The following XXYLT1 variants were observed in gnomAD, a reference collection of about 807,000 sequenced individuals.
XXYLT1 encodes the protein xyloside xylosyltransferase 1.
XXYLT1 carries 20 observed loss-of-function variants against 28.9 expected under a neutral mutation model. That is an observed-to-expected ratio of 0.69 (90% CI 0.49 to 1.00). The LOEUF is 1.00. Among genes scored for constraint, XXYLT1 ranks in the 50% least tolerant of loss-of-function variants. XXYLT1 has a pLI of 0.00. For missense variants in XXYLT1, 542 were observed against 560.1 expected (o/e 0.97, Z 0.33); for synonymous variants, 257 against 253.8 (o/e 1.01, Z -0.12).
intron 2 of XXYLT1, among the ~76,000 whole-genome samples, chr3:195,217,762 C>A (rs1344271028): frequency 6.6e-6 from 1 of 151,232 alleles, no homozygotes; most frequent in Non-Finnish European, 1.5e-5. Context: ...AGATTCAATG[C>A]CATCCCCATC....
chr3:195,243,597 G>A (rs1313489070), intron 1 of XXYLT1, among the ~76,000 whole-genome samples: 3 of 152,180 alleles, frequency 2.0e-5, no homozygotes, highest in Admixed American at 6.5e-5. Flanking sequence ...AGAGCCACAG[G>A]TCTATTGATC....
intron 2 of XXYLT1, among the ~76,000 whole-genome samples, chr3:195,159,243 A>C (rs1487567702): frequency 6.6e-6 from 1 of 152,192 alleles, no homozygotes; most frequent in East Asian, 1.9e-4. Flanking sequence ...AACGCAACAA[A>C]AAGAATGGCA....
chr3:195,079,534 A>T (rs761493789), intron 3 of XXYLT1, among the ~76,000 whole-genome samples: 2 of 152,214 alleles, frequency 1.3e-5, no homozygotes, highest in Non-Finnish European at 2.9e-5. Flanking sequence ...TGTATTCAGT[A>T]TAATGTTTGT....
chr3:195,137,646 T>C (rs1172032035), intron 3 of XXYLT1, among the ~76,000 whole-genome samples: 1 of 152,210 alleles, frequency 6.6e-6, no homozygotes. Context: ...AACCTCTCCG[T>C]GCTCTGTAAA....
chr3:195,258,307 G>A (rs1018104799), intron 1 of XXYLT1, among the ~76,000 whole-genome samples: 1 of 152,220 alleles, frequency 6.6e-6, no homozygotes, highest in Non-Finnish European at 1.5e-5. Flanking sequence ...GTGGATCCAT[G>A]AGCGTCTCCC....
intron 3 of XXYLT1, chr3:195,148,088 G>A (rs1052187569): frequency 7.2e-5 from 11 of 152,232 alleles, no homozygotes; most frequent in Non-Finnish European, 1.6e-4. Context: ...TAGCCTGCCC[G>A]GGAGGCAGAG....
chr3:195,244,820 T>C (rs148114507), intron 1 of XXYLT1, among the ~76,000 whole-genome samples: 47 of 137,870 alleles, frequency 3.4e-4, no homozygotes, highest in African/African-American at 1.2e-3. Flanking sequence ...CTTTAGATCA[T>C]TATGACAAAT....
At chr3:195,114,454 G>C (rs1717940249) in intron 3 of XXYLT1, among the ~76,000 whole-genome samples, 1 of 152,192 alleles carries the variant, frequency 6.6e-6, no homozygotes, top group African/African-American at 2.4e-5. Context: ...CACCTGCTCT[G>C]TGTACGGTCC....
chr3:195,254,070 C>T (rs567908855), intron 1 of XXYLT1, among the ~76,000 whole-genome samples: 1 of 152,308 alleles, frequency 6.6e-6, no homozygotes, highest in African/African-American at 2.4e-5. Context: ...TTCCCTCTCA[C>T]ATTTCCAGGC....
chr3:195,169,356 C>T (rs1721282798), intron 2 of XXYLT1, among the ~76,000 whole-genome samples: 1 of 152,204 alleles, frequency 6.6e-6, no homozygotes, highest in Non-Finnish European at 1.5e-5. Context: ...TTGGAAGGCA[C>T]TCGGCATCAC....
rs1411473102 is a variant in XXYLT1 at position 195,069,231 on chromosome 3, T to G, written c.*484A>C. On this transcript the variant is annotated 3_prime_UTR_variant, in exon 4 of 4. Coordinates refer to ENST00000310380, the MANE Select transcript of XXYLT1 (RefSeq NM_152531.5). Reference sequence around the variant, plus strand: ...GATGGGCTGGCATTCGTTTGGAAGCTTAGATACTGGGCTGGTCATTAAAAC... The same window carrying G: ...GATGGGCTGGCATTCGTTTGGAAGCGTAGATACTGGGCTGGTCATTAAAAC... 6.4e-6 allele frequency: 1 copy of G among 156,046 alleles called. No homozygotes were observed. The highest frequency in any genetic ancestry group is 1.4e-5 in the Non-Finnish European group (1 of 70,340). The allele number at this position is 156,046 out of a possible 1,614,324, so 9.7% of individuals were successfully genotyped here.
chr3:195,208,369 G>C (rs1372352567), intron 2 of XXYLT1, among the ~76,000 whole-genome samples: 1 of 151,836 alleles, frequency 6.6e-6, no homozygotes, highest in Non-Finnish European at 1.5e-5. Context: ...ATATCTGAGA[G>C]TGGCAGTCAG....
chr3:195,136,155 G>C lies in XXYLT1; in HGVS notation c.785+20294C>G, dbSNP rs557268327. 6.6e-5 allele frequency among the ~76,000 whole-genome samples: 10 copies of C among 152,302 alleles called. No homozygotes were observed. In the South Asian group the frequency reaches 2.1e-3, roughly 32 times the overall value. ...AAAGCGATAACATCATTTTGCTGGA[G>C]AGAGCCCCACACGTCAGAGCAGAAA... On this transcript the variant is annotated intron_variant, in intron 3 of 3. Coordinates refer to ENST00000310380, the MANE Select transcript of XXYLT1 (RefSeq NM_152531.5).
At chr3:195,222,739 G>A (rs1350722662) in intron 2 of XXYLT1, among the ~76,000 whole-genome samples, 1 of 152,046 alleles carries the variant, frequency 6.6e-6, no homozygotes, top group African/African-American at 2.4e-5. Flanking sequence ...AAATGGGGAC[G>A]TGAGCCATTA....
At chr3:195,087,841 G>T (rs988139154) in intron 3 of XXYLT1, among the ~76,000 whole-genome samples, 1 of 152,046 alleles carries the variant, frequency 6.6e-6, no homozygotes, top group Non-Finnish European at 1.5e-5. Context: ...TGCGCGAGCC[G>T]AAGCAGGGCG....
intron 2 of XXYLT1, among the ~76,000 whole-genome samples, chr3:195,162,644 C>T (rs1349988981): frequency 6.6e-6 from 1 of 152,246 alleles, no homozygotes; most frequent in Non-Finnish European, 1.5e-5. Context: ...TGAGAAGACA[C>T]AGTTTTTGCT....
At position 195,117,084 on chromosome 3, in the gene XXYLT1, T is replaced by G. The variant is rs551384480; in HGVS notation, c.785+39365A>C. Among the ~76,000 whole-genome samples the G allele has an allele frequency of 4.2e-4, 62 of 147,934 alleles. 2 individuals are homozygous for G. In the South Asian group the frequency reaches 0.013, roughly 30 times the overall value. On this transcript the variant is annotated intron_variant, in intron 3 of 3. Coordinates refer to ENST00000310380, the MANE Select transcript of XXYLT1 (RefSeq NM_152531.5). ...TTGCTGTAGTTTATTGGGAAAACAA[T>G]CTGGAAACATCCTATATATATATAG...
chr3:195,155,399 A>G (rs60528401), intron 3 of XXYLT1, among the ~76,000 whole-genome samples: 19,530 of 152,140 alleles, frequency 0.13, 1,498 homozygotes, highest in East Asian at 0.27. Flanking sequence ...CCCTTTCCGA[A>G]CAAACTCGGC....
At position 195,076,357 on chromosome 3, in the gene XXYLT1, T is replaced by C. The variant is rs1486299398; in HGVS notation, c.786-6246A>G. On this transcript the variant is annotated intron_variant, in intron 3 of 3. Transcript: ENST00000310380. This position sits in a 1 kb window ranked among gnomAD's most constrained non-coding sequence, Gnocchi z 5.3. Reference sequence around the variant, plus strand: ...ACGGGGCCGACTGCGGCACAGACATTGGAACTCGACCGCGCGTGTTCCCGG... The same window carrying C: ...ACGGGGCCGACTGCGGCACAGACATCGGAACTCGACCGCGCGTGTTCCCGG... Among the ~76,000 whole-genome samples, 1 of 151,150 alleles carries C rather than the reference T, an allele frequency of 6.6e-6. No individual in the cohort carries two copies. Among genetic ancestry groups the C allele is most frequent in the East Asian group, 2.0e-4 (1 of 4,932 alleles).
Sources: allele counts gnomAD v4.1 joint callset (sites outside exome capture counted in the v4.1 genomes callset), GRCh38; gene constraint gnomAD v4.1.1; non-coding constraint Gnocchi (gnomAD v3.1); transcripts MANE v1.5; gene names NCBI Gene and HGNC (gene_info 2026-07-23, HGNC 2026-07-21).